SLC39A11: variants seen among roughly 807,000 people sequenced by gnomAD.
SLC39A11 encodes solute carrier family 39 member 11, also known as zinc transporter ZIP11.
Under a neutral mutation model 36.1 loss-of-function variants are expected in SLC39A11, and 33 were observed. The ratio of observed to expected loss-of-function variants is 0.91; its 90% CI spans 0.69 to 1.22. The LOEUF (loss-of-function observed/expected upper bound fraction) is 1.22, where lower values mean the gene tolerates loss of function less well. Ranked by LOEUF, SLC39A11 falls within the 50% of genes most tolerant of loss-of-function variation. SLC39A11 has a pLI of 0.00. For synonymous variants in SLC39A11, 166 were observed against 170.3 expected (o/e 0.97, Z 0.20); for missense variants, 432 against 430.3 (o/e 1.00, Z -0.03).
At chr17:72,669,121 C>A (rs8080530) in intron 7 of SLC39A11, among the ~76,000 whole-genome samples, 34,835 of 152,128 alleles carry the variant, frequency 0.23, 4,072 homozygotes, top group South Asian at 0.32. Context: ...GATGGGATAA[C>A]CATATTGTAG....
intron 5 of SLC39A11, among the ~76,000 whole-genome samples, chr17:72,864,394 C>G (rs1199482047): frequency 6.6e-6 from 1 of 151,666 alleles, no homozygotes; most frequent in African/African-American, 2.4e-5. Flanking sequence ...GCAGACCAAC[C>G]GATTTGGGCT....
intron 7 of SLC39A11, among the ~76,000 whole-genome samples, chr17:72,676,265 C>A (rs1462380102): frequency 6.6e-6 from 1 of 152,098 alleles, no homozygotes; most frequent in Non-Finnish European, 1.5e-5. Context: ...GAAACCTAGA[C>A]ACTGCGGGAT....
At chr17:72,862,301 T>G (rs1431329111) in intron 5 of SLC39A11, among the ~76,000 whole-genome samples, 1 of 152,160 alleles carries the variant, frequency 6.6e-6, no homozygotes, top group East Asian at 1.9e-4. Flanking sequence ...GACCTGAGGT[T>G]GCGTGGAGCT....
intron 5 of SLC39A11, among the ~76,000 whole-genome samples, chr17:72,862,834 C>CA (rs2146253061): frequency 6.6e-6 from 1 of 152,290 alleles, no homozygotes; most frequent in East Asian, 1.9e-4. Context: ...GCTGAGGCCA[C>CA]ATGTGCATGC....
At chr17:73,057,384 A>T (rs1026289323) in intron 3 of SLC39A11, among the ~76,000 whole-genome samples, 1 of 152,208 alleles carries the variant, frequency 6.6e-6, no homozygotes, top group African/African-American at 2.4e-5. Context: ...CATTGATGAG[A>T]AAAAATATTT....
chr17:72,720,157 A>G (rs2073597392), intron 7 of SLC39A11, among the ~76,000 whole-genome samples: 1 of 152,134 alleles, frequency 6.6e-6, no homozygotes, highest in African/African-American at 2.4e-5. Flanking sequence ...AGGACACAGG[A>G]GAGAGAAAAA....
intron 5 of SLC39A11, among the ~76,000 whole-genome samples, chr17:72,885,397 G>A (rs1338529978): frequency 2.6e-5 from 4 of 151,984 alleles, no homozygotes; most frequent in African/African-American, 9.7e-5. Flanking sequence ...TGTAGGCTAC[G>A]GGCTCACCTC....
At chr17:72,733,201 C>T (rs2074298052) in intron 7 of SLC39A11, among the ~76,000 whole-genome samples, 1 of 152,164 alleles carries the variant, frequency 6.6e-6, no homozygotes, top group African/African-American at 2.4e-5. Flanking sequence ...TTTGATTTTT[C>T]CCTTTATTTC....
chr17:72,790,220 A>G (rs374618105), intron 6 of SLC39A11, among the ~76,000 whole-genome samples: 139 of 152,284 alleles, frequency 9.1e-4, no homozygotes, highest in Non-Finnish European at 1.5e-3. Flanking sequence ...ACACTGGTAC[A>G]CACCCCCAGC....
chr17:72,829,079 C>T (rs1006511956), intron 6 of SLC39A11, among the ~76,000 whole-genome samples: 6 of 152,100 alleles, frequency 3.9e-5, no homozygotes, highest in Non-Finnish European at 7.4e-5. Flanking sequence ...CAGCCAGGTG[C>T]GGCGGCTCAC....
chr17:72,685,303 G>A (rs778634562), intron 7 of SLC39A11, among the ~76,000 whole-genome samples: 1 of 51,064 alleles, frequency 2.0e-5, no homozygotes, highest in Admixed American at 1.6e-4. Flanking sequence ...GTTTAGGAAG[G>A]GTGTTTAGAG....
rs898520203 is a variant in SLC39A11 at position 72,961,393 on chromosome 17, G to T, written c.307-13518C>A. 3.9e-5 allele frequency among the ~76,000 whole-genome samples: 6 copies of T among 152,156 alleles called. No homozygotes were observed. In the South Asian group the frequency reaches 8.3e-4, roughly 21 times the overall value. On this transcript the variant is annotated intron_variant, in intron 4 of 9. Transcript: ENST00000255559. ...CCCAGCAATCCCATTACTGGGTATA[G>T]ACCCAAAGGATTATAAATCATTTTA... is the stretch of plus-strand genomic sequence containing the variant.
intron 6 of SLC39A11, among the ~76,000 whole-genome samples, chr17:72,742,936 T>G (rs1033806048): frequency 6.6e-6 from 1 of 152,202 alleles, no homozygotes; most frequent in Admixed American, 6.5e-5. Flanking sequence ...ATATCACAAT[T>G]AAACATGCCA....
At chr17:72,704,937 G>A (rs1374604182) in intron 7 of SLC39A11, among the ~76,000 whole-genome samples, 2 of 152,178 alleles carry the variant, frequency 1.3e-5, no homozygotes, top group African/African-American at 2.4e-5. Context: ...AACCTGGGAG[G>A]ATATAGGGCT....
At chr17:72,959,458 T>A (rs2086474828) in intron 4 of SLC39A11, among the ~76,000 whole-genome samples, 4 of 150,358 alleles carry the variant, frequency 2.7e-5, no homozygotes, top group African/African-American at 9.8e-5. Context: ...CTAAGTGAAG[T>A]AACTCAAGAA....
chr17:72,962,778 C>T (rs1160664734), intron 4 of SLC39A11, among the ~76,000 whole-genome samples: 1 of 152,202 alleles, frequency 6.6e-6, no homozygotes, highest in Non-Finnish European at 1.5e-5. Flanking sequence ...CTCAGGTGGT[C>T]CACCCGCCTC....
intron 4 of SLC39A11, among the ~76,000 whole-genome samples, chr17:72,965,023 G>A (rs962031526): frequency 1.3e-5 from 2 of 150,076 alleles, no homozygotes; most frequent in Admixed American, 1.3e-4. Flanking sequence ...AACACTGCAT[G>A]TTCTCACTCA....
In SLC39A11 at chr17:72,987,020, T is replaced by C. The variant is rs931339214; in HGVS notation, c.307-39145A>G. On this transcript the variant is annotated intron_variant, in intron 4 of 9. Transcript: ENST00000255559. ...GCCCCAGTGCTGGAGGAGGGCCTGG[T>C]AGGAGGGGTTTGGGTCACGGGAGCA... 5.3e-5 allele frequency among the ~76,000 whole-genome samples: 8 copies of C among 152,296 alleles called. No homozygotes were observed. The East Asian group carries it at 1.3e-3, about 26-fold the overall frequency.
At chr17:72,974,706 G>C (rs187693334) in intron 4 of SLC39A11, among the ~76,000 whole-genome samples, 1 of 152,308 alleles carries the variant, frequency 6.6e-6, no homozygotes, top group Non-Finnish European at 1.5e-5. Context: ...GTCTACGGTA[G>C]TGTATAGTAA....
Sources: allele counts gnomAD v4.1 joint callset (sites outside exome capture counted in the v4.1 genomes callset), GRCh38; gene constraint gnomAD v4.1.1; transcripts MANE v1.5; gene names NCBI Gene and HGNC (gene_info 2026-07-23, HGNC 2026-07-21).